The following TSPAN32 variants were observed in gnomAD, a reference collection of about 807,000 sequenced individuals.
TSPAN32 encodes tetraspanin 32.
Under a neutral mutation model 42.7 loss-of-function variants are expected in TSPAN32, and 47 were observed. That is an observed-to-expected ratio of 1.10 (90% confidence interval 0.87 to 1.40). The LOEUF (loss-of-function observed/expected upper bound fraction) is 1.40, where lower values mean the gene tolerates loss of function less well. Among genes scored for constraint, TSPAN32 ranks in the 40% most tolerant of loss-of-function variants. TSPAN32 has a pLI of 0.00. For synonymous variants in TSPAN32, 175 were observed against 175.9 expected, an observed-to-expected ratio of 0.99 and a Z score of 0.04; for missense variants, 469 against 424.1, an observed-to-expected ratio of 1.11 and a Z score of -0.93.
At position 2,316,239 on chromosome 11, in the gene TSPAN32, AG is replaced by A; in HGVS notation, c.557del (p.Gly186AlafsTer6). On this transcript the variant is annotated frameshift_variant, in exon 7 of 10. Coordinates refer to ENST00000182290, the MANE Select transcript of TSPAN32 (RefSeq NM_139022.3). LOFTEE classifies it high-confidence loss of function. ...GCTGCCCTCTCACAGGACTGCCTTCAGGGCATCCGGAGCTTCCTGAGGACAC... is the reference window on the plus strand; with the variant it reads ...GCTGCCCTCTCACAGGACTGCCTTCAGGCATCCGGAGCTTCCTGAGGACAC... ...GEEAAREDCLQGIRSFLRTHQ... is the reference protein window; with the variant it reads ...GEEAAREDCLXGIRSFLRTHQ... The A allele has an allele frequency of 6.3e-7, 1 of 1,590,014 alleles. No homozygotes were observed.
rs1406099917 is a variant in TSPAN32, at chr11:2,308,736, G to A, written c.280G>A (p.Gly94Ser). 5.7e-6 allele frequency: 9 copies of A among 1,568,590 alleles called. No homozygotes were observed. The highest frequency in any genetic ancestry group is 1.7e-4 in the Middle Eastern group (1 of 5,938). The change falls in exon 4 of 10, where the codon GGC becomes AGC. Residue 94 changes from glycine (G) to serine (S), a missense_variant and splice_region_variant. Physicochemically the swap from Gly to Ser is moderately conservative, Grantham distance 56. Coordinates refer to ENST00000182290, the MANE Select transcript of TSPAN32 (RefSeq NM_139022.3). ...GTGACCAGCCCCGCTCTGCCCCCAG[G>A]GCTTCCTGTGCTTCTCCCTGGCGTT... is the stretch of plus-strand genomic sequence containing the variant. ...VREAQGLMAG[G>S]FLCFSLAFCA...
chr11:2,304,220 TC>T lies in TSPAN32; in HGVS notation c.279+19del. The stretch of plus-strand genomic sequence containing the variant: ...CATGGCAGGGGTGAGTTCATTGTGT[TC>T]CCAGATGCCCAGGCCCCCAGAAAAG... On this transcript the variant is annotated intron_variant, in intron 3 of 9. Coordinates refer to ENST00000182290, the MANE Select transcript of TSPAN32 (RefSeq NM_139022.3). The surrounding 1 kb of genome is among the most constrained non-coding windows in gnomAD (Gnocchi z 4.8). 1 of 1,516,754 alleles carries T rather than the reference TC, an allele frequency of 6.6e-7. No homozygotes were observed. The allele number at this position is 1,516,754 out of a possible 1,614,324, so 94.0% of individuals were successfully genotyped here. A position where few individuals can be genotyped will look rare whatever the true frequency, so the allele number is the denominator to read the frequency against.
Position 2,315,447 on chromosome 11 carries a change from C to T in TSPAN32, c.544-782C>T, listed in dbSNP as rs554524873. ...CACCCAAGGAGAGACTGAAAAGGCC[C>T]CCGACTGAAAAGCAGGAGCGAGGGC... On this transcript the variant is annotated intron_variant, in intron 6 of 9. Transcript: ENST00000182290. 2.9e-4 allele frequency: 332 copies of T among 1,132,492 alleles called. 2 individuals are homozygous for T. The South Asian group carries it at 5.9e-3, about 20-fold the overall frequency. The allele number at this position is 1,132,492 out of a possible 1,614,324, so 70.2% of individuals were successfully genotyped here.
rs140709712 is a variant in TSPAN32, at chr11:2,302,910, C to A, written c.133C>A (p.Arg45Ser). 6 of 1,613,612 alleles carry A rather than the reference C, an allele frequency of 3.7e-6. No individual in the cohort carries two copies. The African/African-American group carries it at 5.3e-5, about 14-fold the overall frequency. The stretch of plus-strand genomic sequence containing the variant: ...CTTCGGGGCCCACTTTGCTGTCATC[C>A]GCCGAGCGTCCCTGGAGAAGAACCC... Reference protein sequence around the residue: ...TYFGAHFAVIRRASLEKNPYQ... With the variant: ...TYFGAHFAVISRASLEKNPYQ... The change falls in exon 2 of 10, where the codon CGC (arginine) becomes AGC (serine). Residue 45 changes from arginine (R) to serine (S), a missense_variant. Physicochemically the swap from Arg to Ser is moderately radical, Grantham distance 110. Transcript: ENST00000182290.
intron 3 of TSPAN32, among the ~76,000 whole-genome samples, chr11:2,305,165 A>G (rs112521228): frequency 5.3e-5 from 8 of 152,354 alleles, no homozygotes; most frequent in African/African-American, 1.9e-4. Context: ...AAGAATAGGA[A>G]TAGAGTCACC....
chr11:2,316,154 T>C (rs1316019259), intron 6 of TSPAN32, 75 bp from the exon 7 acceptor site: 3 of 1,515,648 alleles, frequency 2.0e-6, no homozygotes, highest in Middle Eastern at 1.7e-4. Context: ...TGCAGCTCCA[T>C]GGCCCCACAG....
intron 6 of TSPAN32, chr11:2,315,239 C>T (rs1199765235): frequency 8.3e-7 from 1 of 1,198,296 alleles, no homozygotes; most frequent in African/African-American, 1.7e-5. Flanking sequence ...CCCACCCTAT[C>T]TCACAGTGGG....
At chr11:2,305,386 G>T (rs1848023661) in intron 3 of TSPAN32, among the ~76,000 whole-genome samples, 1 of 150,424 alleles carries the variant, frequency 6.6e-6, no homozygotes, top group South Asian at 2.1e-4. Context: ...CCCCCCAGAG[G>T]GTGTGTGGCC....
At chr11:2,305,697 A>T (rs970995345) in intron 3 of TSPAN32, among the ~76,000 whole-genome samples, 1 of 152,192 alleles carries the variant, frequency 6.6e-6, no homozygotes, top group Admixed American at 6.5e-5. Context: ...GTCCCCAGCC[A>T]GCCCCAAGGC....
Position 2,304,154 on chromosome 11 carries a change from G to A in TSPAN32, c.229G>A (p.Val77Met), listed in dbSNP as rs2234296. Reference sequence around the variant, plus strand: ...GGTGGGCCTCCTGACTCTGGGAGCCGTGCTGAGCGCTGCAGCCACCGTGAG... The same window carrying A: ...GGTGGGCCTCCTGACTCTGGGAGCCATGCTGAGCGCTGCAGCCACCGTGAG... ...SLVGLLTLGA[V>M]LSAAATVREA... The change falls in exon 3 of 10, where the codon GTG (valine) becomes ATG (methionine). Residue 77 changes from valine (V) to methionine (M), a missense_variant. By Grantham distance (21) the Val-to-Met change is conservative. Coordinates refer to ENST00000182290, the MANE Select transcript of TSPAN32 (RefSeq NM_139022.3). The surrounding 1 kb of genome is among the most constrained non-coding windows in gnomAD (Gnocchi z 4.8). 1.3e-3 allele frequency: 2,025 copies of A among 1,590,056 alleles called. 25 individuals are homozygous for A. The African/African-American group carries it at 0.023, about 18-fold the overall frequency.
intron 3 of TSPAN32, chr11:2,306,803 AG>A (rs1178121548): frequency 2.4e-5 from 2 of 84,458 alleles, no homozygotes; most frequent in Admixed American, 1.2e-4. Flanking sequence ...GAGGAAAAGG[AG>A]GGAAAAGGGG....
chr11:2,315,076 G>A (rs1283581687), intron 6 of TSPAN32: 3 of 341,898 alleles, frequency 8.8e-6, no homozygotes, highest in Non-Finnish European at 1.5e-5. Flanking sequence ...CAACAGAGCG[G>A]GGCCCGAGGC....
intron 3 of TSPAN32, among the ~76,000 whole-genome samples, chr11:2,308,370 A>AGGCCCCGCAGTGACTGCCCCC (rs1244493315): frequency 1.3e-5 from 2 of 149,928 alleles, no homozygotes; most frequent in African/African-American, 4.9e-5. Flanking sequence ...AGGCCCCACC[A>AGGCCCCGCAGTGACTGCCCCC]GGCCCCGCAG....
chr11:2,317,726 C>A lies in TSPAN32; in HGVS notation c.902-137C>A. 1 of 1,511,672 alleles carries A rather than the reference C, an allele frequency of 6.6e-7. No homozygotes were observed. Among genetic ancestry groups the A allele is most frequent in the South Asian group, 1.2e-5 (1 of 80,774 alleles). 93.6% of individuals were successfully genotyped at this position (1,511,672 alleles called of 1,614,324 possible). On this transcript the variant is annotated intron_variant, in intron 9 of 9. Coordinates refer to ENST00000182290, the MANE Select transcript of TSPAN32 (RefSeq NM_139022.3). This position sits in a 1 kb window ranked among gnomAD's most constrained non-coding sequence, Gnocchi z 6.2. ...GGAAACCACACTGGAGGCAGCAGCC[C>A]AGGGCAGACTGCAAGACACTGGTGG...
chr11:2,302,122 G>A lies in TSPAN32; in HGVS notation c.-28G>A. 3.4e-6 allele frequency: 5 copies of A among 1,484,870 alleles called. No homozygotes were observed. Among genetic ancestry groups the A allele is most frequent in the Non-Finnish European group, 4.5e-6 (5 of 1,118,242 alleles). The allele number at this position is 1,484,870 out of a possible 1,614,324, so 92.0% of individuals were successfully genotyped here. ...GGAAACCACAGGGAGGGGAAGGGAG[G>A]GGAGGAGAGGAGAGGAGAGGAACCG... On this transcript the variant is annotated 5_prime_UTR_variant, in exon 1 of 10. Coordinates refer to ENST00000182290, the MANE Select transcript of TSPAN32 (RefSeq NM_139022.3).
chr11:2,309,475 G>A (rs1409515920), intron 4 of TSPAN32: 3 of 414,514 alleles, frequency 7.2e-6, no homozygotes, highest in Non-Finnish European at 1.5e-5. Context: ...CTCGGTAGCA[G>A]AGCCAGCCCC....
Position 2,315,451 on chromosome 11 carries a change from A to G in TSPAN32, c.544-778A>G. On this transcript the variant is annotated intron_variant, in intron 6 of 9. Coordinates refer to ENST00000182290, the MANE Select transcript of TSPAN32 (RefSeq NM_139022.3). The stretch of plus-strand genomic sequence containing the variant: ...CAAGGAGAGACTGAAAAGGCCCCCG[A>G]CTGAAAAGCAGGAGCGAGGGCCTGC... 6.2e-6 allele frequency: 7 copies of G among 1,132,046 alleles called. No individual in the cohort carries two copies. In the South Asian group the frequency reaches 1.4e-4, roughly 22 times the overall value. The allele number at this position is 1,132,046 out of a possible 1,614,324, so 70.1% of individuals were successfully genotyped here.
At chr11:2,309,340 G>A (rs1364528901) in intron 4 of TSPAN32, 1 of 470,630 alleles carries the variant, frequency 2.1e-6, no homozygotes, top group South Asian at 1.5e-5. Flanking sequence ...TTCCGTCCTG[G>A]ATGCTGACCT....
intron 3 of TSPAN32, among the ~76,000 whole-genome samples, chr11:2,308,414 C>T (rs1462101043): frequency 8.4e-6 from 1 of 119,568 alleles, no homozygotes; most frequent in Middle Eastern, 4.3e-3. Flanking sequence ...ACCACCCCCC[C>T]ACAGTGACCG....
Sources: gnomAD v4.1 joint callset for allele counts (sites outside exome capture counted in the v4.1 genomes callset) on GRCh38, gnomAD v4.1.1 for gene constraint, Gnocchi (gnomAD v3.1) non-coding constraint, MANE v1.5 for transcripts, NCBI Gene and HGNC (gene_info 2026-07-23, HGNC 2026-07-21) for gene names.